Variants in TMIGD3 observed in about 807,000 individuals in gnomAD.
TMIGD3 encodes AD026 protein (AD026).
Under a neutral mutation model 28.1 loss-of-function variants are expected in TMIGD3, and 21 were observed. The ratio of observed to expected loss-of-function variants is 0.75; its 90% CI spans 0.53 to 1.08. The LOEUF is 1.08. Ranked by LOEUF, TMIGD3 falls within the 50% of genes least tolerant of loss-of-function variation. The pLI is 0.00. For missense variants in TMIGD3, 416 were observed against 435.6 expected (o/e 0.96, Z 0.40); for synonymous variants, 151 against 162.1 (o/e 0.93, Z 0.52).
rs187981737 is a variant in TMIGD3 at position 111,523,098 on chromosome 1, A to G, written c.108-32336T>C. The stretch of plus-strand genomic sequence containing the variant: ...GAAAGCATTCAGTCTTTTATCATTA[A>G]CTATGATGTTTGTTGTAGTTTTTTC... On this transcript the variant is annotated intron_variant, in intron 1 of 5. Transcript: ENST00000369717. Among the ~76,000 whole-genome samples the G allele has an allele frequency of 5.3e-5, 8 of 152,296 alleles. No homozygotes were observed. The East Asian group carries it at 1.5e-3, about 29-fold the overall frequency.
At chr1:111,520,097 T>C (rs1189077618) in intron 1 of TMIGD3, among the ~76,000 whole-genome samples, 1 of 152,198 alleles carries the variant, frequency 6.6e-6, no homozygotes, top group Non-Finnish European at 1.5e-5. Context: ...TCTTTCCATA[T>C]GGTCTTCAAT....
intron 1 of TMIGD3, among the ~76,000 whole-genome samples, chr1:111,493,746 C>T (rs1295401089): frequency 6.6e-6 from 1 of 152,182 alleles, no homozygotes; most frequent in Non-Finnish European, 1.5e-5. Context: ...GTCGCTTGCC[C>T]ACATTCACAC....
At chr1:111,531,322 A>C (rs1377735329) in intron 1 of TMIGD3, among the ~76,000 whole-genome samples, 1 of 150,812 alleles carries the variant, frequency 6.6e-6, no homozygotes, top group Non-Finnish European at 1.5e-5. Flanking sequence ...TTTCCTCTTT[A>C]TGTTTCATTT....
intron 1 of TMIGD3, among the ~76,000 whole-genome samples, chr1:111,533,731 T>G (rs1368756420): frequency 6.6e-6 from 1 of 152,168 alleles, no homozygotes; most frequent in Non-Finnish European, 1.5e-5. Context: ...TTTTTTGTAT[T>G]TATCGTAAAG....
At chr1:111,516,778 C>T (rs777467441) in intron 1 of TMIGD3, among the ~76,000 whole-genome samples, 20 of 152,316 alleles carry the variant, frequency 1.3e-4, no homozygotes, top group Non-Finnish European at 2.9e-4. Flanking sequence ...CCTTCCAACA[C>T]GGGATAAGGT....
chr1:111,536,770 C>T (rs1010429142), intron 1 of TMIGD3, among the ~76,000 whole-genome samples: 1 of 152,062 alleles, frequency 6.6e-6, no homozygotes, highest in Admixed American at 6.6e-5. Flanking sequence ...TATTCATCTC[C>T]TTCCCTGTGC....
At chr1:111,485,663 C>T in intron 5 of TMIGD3, 77 bp downstream of exon 5, 1 of 1,160,932 alleles carries the variant, frequency 8.6e-7, no homozygotes, top group Non-Finnish European at 1.2e-6. Flanking sequence ...CTCATTCACT[C>T]ATTTGAAATC....
At chr1:111,563,595 G>T (rs1253462620) in intron 1 of TMIGD3, among the ~76,000 whole-genome samples, 1 of 152,098 alleles carries the variant, frequency 6.6e-6, no homozygotes, top group African/African-American at 2.4e-5. Flanking sequence ...GAATTCATGG[G>T]AAAATGCCTC....
rs144531991 is a variant in TMIGD3 at position 111,486,604 on chromosome 1, C to A, written c.854G>T (p.Arg285Leu). 2 of 1,613,516 alleles carry A rather than the reference C, an allele frequency of 1.2e-6. No individual in the cohort carries two copies. The highest frequency in any genetic ancestry group is 1.7e-5 in the Admixed American group (1 of 59,990). ...GACTCACCTGGAGCGGTCAGCCTTGCGGACAACTTTGGGAGCCTTGCAGCT... is the reference window on the plus strand; with the variant it reads ...GACTCACCTGGAGCGGTCAGCCTTGAGGACAACTTTGGGAGCCTTGCAGCT... Reference protein sequence around the residue: ...TRSCKAPKVVRKADRSRTSIL... With the variant: ...TRSCKAPKVVLKADRSRTSIL... The change falls in exon 4 of 6, where the codon CGC (arginine) becomes CTC (leucine). Residue 285 changes from arginine (R) to leucine (L), a missense_variant. Physicochemically the swap from Arg to Leu is moderately radical, Grantham distance 102. Coordinates refer to ENST00000369716, the MANE Select transcript of TMIGD3 (RefSeq NM_020683.7).
chr1:111,519,762 G>A lies in TMIGD3; in HGVS notation c.108-29000C>T, dbSNP rs143277938. ...GGTTGGAGTGCAGTGGCATGATCTC[G>A]GCTCACTGCAACCTCCACCTCCCAG... On this transcript the variant is annotated intron_variant, in intron 1 of 5. Transcript: ENST00000369717. Among the ~76,000 whole-genome samples, 605 of 150,462 alleles carry A rather than the reference G, an allele frequency of 4.0e-3. 5 individuals are homozygous for A. Among genetic ancestry groups the A allele is most frequent in the African/African-American group, 0.011 (444 of 40,854 alleles).
chr1:111,483,810 T>C lies in TMIGD3; in HGVS notation c.974-53A>G, dbSNP rs549732179. 7.6e-6 allele frequency: 11 copies of C among 1,449,078 alleles called. No individual in the cohort carries two copies. The South Asian group carries it at 9.2e-5, about 12-fold the overall frequency. 89.8% of individuals were successfully genotyped at this position (1,449,078 alleles called of 1,614,324 possible). On this transcript the variant is annotated intron_variant, in intron 5 of 5. Coordinates refer to ENST00000369716, the MANE Select transcript of TMIGD3 (RefSeq NM_020683.7). Reference sequence around the variant, plus strand: ...GGAGTTGAGATCTATTGCCTACCCCTGAAGAGTGTTTCTGCAGCAAAAGTT... The same window carrying C: ...GGAGTTGAGATCTATTGCCTACCCCCGAAGAGTGTTTCTGCAGCAAAAGTT...
At chr1:111,550,962 T>C (rs955436888) in intron 1 of TMIGD3, among the ~76,000 whole-genome samples, 3 of 152,272 alleles carry the variant, frequency 2.0e-5, no homozygotes, top group Admixed American at 2.0e-4. Context: ...GGAGTGACTC[T>C]TTTATCATTA....
chr1:111,499,046 G>A (rs1002421860), intron 1 of TMIGD3, among the ~76,000 whole-genome samples: 20 of 146,508 alleles, frequency 1.4e-4, no homozygotes, highest in African/African-American at 4.8e-4. Context: ...ATCTGCGATC[G>A]AGCCACTACA....
At chr1:111,541,029 G>C (rs1656804977) in intron 1 of TMIGD3, among the ~76,000 whole-genome samples, 1 of 152,156 alleles carries the variant, frequency 6.6e-6, no homozygotes, top group African/African-American at 2.4e-5. Context: ...AGTCTCTGCT[G>C]CATACACTCC....
intron 1 of TMIGD3, among the ~76,000 whole-genome samples, chr1:111,538,735 G>T (rs1656723344): frequency 6.6e-6 from 1 of 152,158 alleles, no homozygotes; most frequent in African/African-American, 2.4e-5. Flanking sequence ...ATGCACTGGG[G>T]AATAAAAAAG....
intron 1 of TMIGD3, chr1:111,501,234 T>C (rs1655157983): frequency 6.6e-6 from 1 of 152,436 alleles, no homozygotes; most frequent in African/African-American, 2.4e-5. Context: ...TGGGCATCCA[T>C]ACTTGGTATT....
intron 1 of TMIGD3, among the ~76,000 whole-genome samples, chr1:111,543,880 A>G (rs1656939336): frequency 6.6e-6 from 1 of 152,160 alleles, no homozygotes; most frequent in Non-Finnish European, 1.5e-5. Context: ...GGGCCTTCTC[A>G]GAGAGAGAGT....
chr1:111,551,539 A>T (rs934376361), intron 1 of TMIGD3, among the ~76,000 whole-genome samples: 1 of 152,138 alleles, frequency 6.6e-6, no homozygotes, highest in African/African-American at 2.4e-5. Flanking sequence ...TTCTTGCTTT[A>T]TGCTGTTACT....
intron 1 of TMIGD3, among the ~76,000 whole-genome samples, chr1:111,561,234 C>T (rs1657723973): frequency 6.6e-6 from 1 of 152,178 alleles, no homozygotes. Flanking sequence ...GATGATCCTC[C>T]CACTTCAGCC....
Sources: gnomAD v4.1 joint callset for allele counts (sites outside exome capture counted in the v4.1 genomes callset) on GRCh38, gnomAD v4.1.1 for gene constraint, MANE v1.5 for transcripts, NCBI Gene and HGNC (gene_info 2026-07-23, HGNC 2026-07-21) for gene names.